Variants in PDE11A observed in about 807,000 individuals in gnomAD.
The protein encoded by PDE11A is dual 3',5'-cyclic-AMP and -GMP phosphodiesterase 11A.
In PDE11A, 100 loss-of-function variants were observed where a neutral mutation model predicts 100.5. The ratio of observed to expected loss-of-function variants is 1.00; its 90% CI spans 0.85 to 1.18. The LOEUF is 1.18. PDE11A is among the 50% of genes most tolerant of loss of function. The pLI, the probability that PDE11A is intolerant of heterozygous loss-of-function variation, is 0.00. For missense variants in PDE11A, 1,141 were observed against 1,152.6 expected, an observed-to-expected ratio of 0.99 and a Z score of 0.15; for synonymous variants, 381 against 420.8, an observed-to-expected ratio of 0.91 and a Z score of 1.16.
intron 19 of PDE11A, among the ~76,000 whole-genome samples, chr2:177,650,695 G>C (rs1293778116): frequency 1.3e-5 from 2 of 152,110 alleles, no homozygotes; most frequent in Non-Finnish European, 1.5e-5. Context: ...TTTATACATA[G>C]ATAGTAGGAT....
chr2:177,759,569 T>C (rs954355084), intron 10 of PDE11A, among the ~76,000 whole-genome samples: 1 of 152,082 alleles, frequency 6.6e-6, no homozygotes, highest in African/African-American at 2.4e-5. Context: ...GATAATAGAG[T>C]GGGACTACTC....
chr2:178,014,808 A>G (rs1489897358), intron 1 of PDE11A, among the ~76,000 whole-genome samples: 2 of 152,174 alleles, frequency 1.3e-5, no homozygotes, highest in African/African-American at 4.8e-5. Flanking sequence ...AACTTACATG[A>G]GAAATATATA....
At chr2:177,977,010 T>C (rs1389173814) in intron 2 of PDE11A, among the ~76,000 whole-genome samples, 1 of 7,032 alleles carries the variant, frequency 1.4e-4, no homozygotes, top group African/African-American at 6.4e-4. Context: ...ACTGGAAGCA[T>C]TCCCTTTGAA....
At chr2:177,864,725 T>C (rs1470158477) in intron 5 of PDE11A, among the ~76,000 whole-genome samples, 1 of 152,186 alleles carries the variant, frequency 6.6e-6, no homozygotes, top group Non-Finnish European at 1.5e-5. Flanking sequence ...AATTTTTAGA[T>C]CCAAAATGAT....
At chr2:178,073,599 C>A (rs529070395), upstream of PDE11A, among the ~76,000 whole-genome samples, 3 of 152,208 alleles carry the variant, frequency 2.0e-5, no homozygotes, top group East Asian at 3.9e-4. Context: ...AGAAAAAAAA[C>A]AACGTTTAGC....
Position 177,629,700 on chromosome 2 carries a change from G to T in PDE11A, c.2647-138C>A, listed in dbSNP as rs2079889229. ...GTGATGATTATTTTGGTAAACAAGA[G>T]CTATTTACAAGAAGTAAATATGCAT... On this transcript the variant is annotated intron_variant, in intron 19 of 19. Transcript: ENST00000286063. 7.0e-6 allele frequency: 6 copies of T among 859,540 alleles called. No homozygotes were observed. In the East Asian group the frequency reaches 1.2e-4, roughly 18 times the overall value. The allele number at this position is 859,540 out of a possible 1,614,324, so 53.2% of individuals were successfully genotyped here.
chr2:177,979,559 C>T (rs2252726), intron 2 of PDE11A, among the ~76,000 whole-genome samples: 77,348 of 146,554 alleles, frequency 0.53, 24,892 homozygotes, highest in African/African-American at 0.84. Context: ...CAGGGACTTG[C>T]ATCTCTCTGA....
chr2:177,661,674 C>A (rs1007136003), intron 19 of PDE11A, among the ~76,000 whole-genome samples: 1 of 152,100 alleles, frequency 6.6e-6, no homozygotes, highest in South Asian at 2.1e-4. Flanking sequence ...ATAATGAGAT[C>A]TTTTTTTACT....
At chr2:177,706,767 G>A (rs1271892661) in intron 13 of PDE11A, among the ~76,000 whole-genome samples, 2 of 152,152 alleles carry the variant, frequency 1.3e-5, no homozygotes, top group Admixed American at 1.3e-4. Context: ...AGGCAGATTT[G>A]ATCATGTGAT....
chr2:177,776,417 C>T (rs2196694), intron 9 of PDE11A, among the ~76,000 whole-genome samples: 3,134 of 152,230 alleles, frequency 0.021, 99 homozygotes, highest in African/African-American at 0.072. Flanking sequence ...TCCTTTCACC[C>T]CCACCTCACA....
intron 10 of PDE11A, among the ~76,000 whole-genome samples, chr2:177,750,456 C>T (rs1180780428): frequency 6.6e-6 from 1 of 152,156 alleles, no homozygotes; most frequent in Non-Finnish European, 1.5e-5. Context: ...GTATCAGTGC[C>T]AGGATCTGGA....
At chr2:177,840,702 T>C (rs907376333) in intron 5 of PDE11A, among the ~76,000 whole-genome samples, 2 of 152,142 alleles carry the variant, frequency 1.3e-5, no homozygotes, top group African/African-American at 4.8e-5. Context: ...CAACAACTAA[T>C]AAAATTCCAT....
chr2:178,101,295 G>A (rs1256834916), intron 2 of PDE11A, among the ~76,000 whole-genome samples: 1 of 152,118 alleles, frequency 6.6e-6, no homozygotes, highest in Non-Finnish European at 1.5e-5. Context: ...GACTAGTCAG[G>A]GGAAGAGACC....
intron 9 of PDE11A, among the ~76,000 whole-genome samples, chr2:177,794,557 C>A (rs2082678218): frequency 6.6e-6 from 1 of 152,110 alleles, no homozygotes; most frequent in African/African-American, 2.4e-5. Context: ...CATTTTCCTC[C>A]TTTTCAAAGA....
intron 2 of PDE11A, among the ~76,000 whole-genome samples, chr2:178,101,546 G>C (rs1454678096): frequency 6.6e-6 from 1 of 152,194 alleles, no homozygotes; most frequent in African/African-American, 2.4e-5. Context: ...CCAGAGGTCA[G>C]ACTTACTCAT....
intron 2 of PDE11A, among the ~76,000 whole-genome samples, chr2:178,004,965 T>C (rs1388326850): frequency 1.3e-5 from 2 of 152,136 alleles, no homozygotes; most frequent in Non-Finnish European, 2.9e-5. Context: ...GTGAACATAA[T>C]AATAAGACAA....
At position 177,711,852 on chromosome 2, in the gene PDE11A, G is replaced by C. The variant is rs758882128; in HGVS notation, c.2070C>G (p.Thr690=). 1 of 1,610,816 alleles carries C rather than the reference G, an allele frequency of 6.2e-7. No individual in the cohort carries two copies. Among genetic ancestry groups the C allele is most frequent in the African/African-American group, 1.3e-5 (1 of 74,828 alleles). The change falls in exon 13 of 20, where the codon ACC becomes ACG. Residue 690 remains threonine (T), a synonymous_variant. Transcript: ENST00000286063. The stretch of plus-strand genomic sequence containing the variant: ...CAATCACCGCTAAAATTTCCACCTC[G>C]GTCAGAATGTCTTGAAACCCAGCAG... ...LTTAGFQDIL[T]EVEILAVIVG...
intron 9 of PDE11A, among the ~76,000 whole-genome samples, chr2:177,785,369 G>A (rs2082517280): frequency 7.0e-6 from 1 of 141,894 alleles, no homozygotes; most frequent in Admixed American, 7.1e-5. Context: ...AGCAAGTTAT[G>A]TTAGAATAGC....
chr2:177,726,549 G>A (rs1466010602), intron 12 of PDE11A, among the ~76,000 whole-genome samples: 3 of 151,880 alleles, frequency 2.0e-5, no homozygotes, highest in Non-Finnish European at 4.4e-5. Context: ...TACAGGGAAA[G>A]AAGTAATTAT....
Sources: gnomAD v4.1 joint callset for allele counts (sites outside exome capture counted in the v4.1 genomes callset) on GRCh38, gnomAD v4.1.1 for gene constraint, MANE v1.5 for transcripts, NCBI Gene and HGNC (gene_info 2026-07-23, HGNC 2026-07-21) for gene names.